ADGRG2: variants seen among roughly 807,000 people sequenced by gnomAD.
ADGRG2 encodes the protein adhesion G protein-coupled receptor G2.
A neutral mutation model predicts 74.1 loss-of-function variants in ADGRG2; 26 were observed. The observed-to-expected ratio is 0.35, with a 90% confidence interval of 0.26 to 0.49. The LOEUF (loss-of-function observed/expected upper bound fraction) is 0.49, where lower values mean the gene tolerates loss of function less well. Ranked by LOEUF, ADGRG2 falls within the 20% of genes least tolerant of loss-of-function variation. ADGRG2 has a pLI of 0.99. For missense variants in ADGRG2, 619 were observed against 763.1 expected (o/e 0.81, Z 2.22); for synonymous variants, 296 against 295.2 (o/e 1.00, Z -0.03).
intron 18 of ADGRG2, among the ~76,000 whole-genome samples, chrX:19,009,147 C>A (rs2060298120): frequency 9.1e-6 from 1 of 110,184 alleles, no homozygotes; most frequent in Non-Finnish European, 1.9e-5. Flanking sequence ...GTAAGGGGGA[C>A]CTCTGACATC....
At position 19,023,431 on chromosome X, in the gene ADGRG2, G is replaced by T. The variant is rs201435414; in HGVS notation, c.533C>A (p.Thr178Lys). 6.4e-4 allele frequency: 712 copies of T among 1,105,883 alleles called. No individual in the cohort carries two copies. Among genetic ancestry groups the T allele is most frequent in the Non-Finnish European group, 6.8e-4 (554 of 811,779 alleles). 91.1% of individuals were successfully genotyped at this position (1,105,883 alleles called of 1,213,427 possible). The stretch of plus-strand genomic sequence containing the variant: ...AATGACTGACCTTTGGGCCTCTGCT[G>T]TAGCACACATTATAAAGTAAGTCTG... ...LSETYFIMCA[T>K]AEAQSTLNCT... The change falls in exon 13 of 29, where the codon ACA becomes AAA. Residue 178 changes from threonine to lysine, a missense_variant. Physicochemically the swap from Thr to Lys is moderately conservative, Grantham distance 78 (BLOSUM62 -1). Around this residue, in one of 3 missense-constraint regions of ADGRG2, gnomAD observed 292 missense variants for 318.0 expected, o/e 0.92. Coordinates refer to ENST00000379869, the MANE Select transcript of ADGRG2 (RefSeq NM_001079858.3).
chrX:19,072,946 C>CT (rs962275473), intron 2 of ADGRG2, among the ~76,000 whole-genome samples: 2 of 111,911 alleles, frequency 1.8e-5, no homozygotes, highest in African/African-American at 6.5e-5. Context: ...CCATTTTTCT[C>CT]TTTTTCAGCT....
intron 1 of ADGRG2, among the ~76,000 whole-genome samples, chrX:19,119,379 G>A (rs1461413286): frequency 2.7e-5 from 3 of 111,547 alleles, no homozygotes; most frequent in Non-Finnish European, 5.6e-5. Flanking sequence ...AATTCCATGC[G>A]GATTAAATAC....
At chrX:19,091,492 TCACACACACACA>T (rs57540002) in intron 1 of ADGRG2, among the ~76,000 whole-genome samples, 1,559 of 82,622 alleles carry the variant, frequency 0.019, 28 homozygotes, top group African/African-American at 0.063. Flanking sequence ...AGATTTTATG[TCACACACACACA>T]CACACACACA....
chrX:18,992,730 TG>T (rs2059944648), intron 28 of ADGRG2, among the ~76,000 whole-genome samples: 1 of 112,464 alleles, frequency 8.9e-6, no homozygotes, highest in African/African-American at 3.2e-5. Flanking sequence ...AGCCTTAAAA[TG>T]TACCCCCATC....
chrX:19,053,113 A>G (rs2061351861), intron 3 of ADGRG2, among the ~76,000 whole-genome samples: 1 of 110,937 alleles, frequency 9.0e-6, no homozygotes, highest in Admixed American at 9.7e-5. Flanking sequence ...AAAACCCCAT[A>G]CCTATTAAAC....
Position 18,990,962 on chromosome X carries a change from T to A in ADGRG2, c.2956A>T (p.Met986Leu). 8.3e-7 allele frequency: 1 copy of A among 1,200,658 alleles called. No homozygotes were observed. Among genetic ancestry groups the A allele is most frequent in the Non-Finnish European group, 1.1e-6 (1 of 885,523 alleles). Residue 986 changes from methionine to leucine, a missense_variant, in exon 29 of 29, where the codon ATG (methionine) becomes TTG (leucine). By Grantham distance (15) the Met-to-Leu change is conservative. Transcript: ENST00000379869. ...CAGGAATCTTCCTTCTCGTTAAACA[T>A]GTGCTGTTTTCCAGTGAAATCGTGA... Reference protein sequence around the residue: ...CLHDFTGKQHMFNEKEDSCNG... With the variant: ...CLHDFTGKQHLFNEKEDSCNG...
chrX:19,117,376 G>A (rs1200202512), intron 1 of ADGRG2, among the ~76,000 whole-genome samples: 1 of 110,439 alleles, frequency 9.1e-6, no homozygotes, highest in Non-Finnish European at 1.9e-5. Flanking sequence ...GGCAAAAAAA[G>A]TTTGAACACT....
intron 27 of ADGRG2, 68 bp from the exon 28 acceptor site, chrX:18,995,116 A>T: frequency 1.2e-6 from 1 of 816,002 alleles, no homozygotes; most frequent in Non-Finnish European, 1.7e-6. Flanking sequence ...GAGACAGATC[A>T]CAGTGTAACA....
At position 18,990,924 on chromosome X, in the gene ADGRG2, G is replaced by A. The variant is rs759049440; in HGVS notation, c.2994C>T (p.Gly998=). 3 of 1,207,210 alleles carry A rather than the reference G, an allele frequency of 2.5e-6. No individual in the cohort carries two copies. The South Asian group carries it at 5.3e-5, about 21-fold the overall frequency. Residue 998 remains glycine, a synonymous_variant, in exon 29 of 29, where the codon GGC becomes GGT. Coordinates refer to ENST00000379869, the MANE Select transcript of ADGRG2 (RefSeq NM_001079858.3). ...NEKEDSCNGK[G]RMALRRTSKR... is the part of the protein sequence containing the mutation. ...TTGAAGTCCTTCTGAGAGCCATACG[G>A]CCTTTCCCATTGCAGGAATCTTCCT...
At chrX:19,121,065 G>C (rs887488227) in intron 1 of ADGRG2, among the ~76,000 whole-genome samples, 1 of 111,214 alleles carries the variant, frequency 9.0e-6, no homozygotes, top group African/African-American at 3.3e-5. Flanking sequence ...CTGAGGATCT[G>C]ACCCCTTTAA....
chrX:19,069,745 C>T (rs1037389274), intron 2 of ADGRG2, among the ~76,000 whole-genome samples: 5 of 111,221 alleles, frequency 4.5e-5, no homozygotes, highest in Non-Finnish European at 9.4e-5. Flanking sequence ...AGGGGAAGAC[C>T]ACCTTCCCAC....
At chrX:19,008,674 A>AG in intron 18 of ADGRG2, among the ~76,000 whole-genome samples, 1 of 111,166 alleles carries the variant, frequency 9.0e-6, no homozygotes, top group East Asian at 2.8e-4. Flanking sequence ...TCAAAAAAAA[A>AG]GAAAAAAAAG....
chrX:19,094,352 C>T (rs758935493), intron 1 of ADGRG2, among the ~76,000 whole-genome samples: 2 of 110,785 alleles, frequency 1.8e-5, no homozygotes, highest in East Asian at 5.7e-4. Context: ...ATTGTACCTC[C>T]TAAATCTATT....
chrX:19,087,343 C>T lies in ADGRG2; in HGVS notation c.-46-4597G>A, dbSNP rs187691417. Among the ~76,000 whole-genome samples the T allele has an allele frequency of 2.9e-4, 33 of 112,941 alleles. 1 individual carries two copies. In the East Asian group the frequency reaches 4.5e-3, roughly 15 times the overall value. On this transcript the variant is annotated intron_variant, in intron 1 of 28. Coordinates refer to ENST00000379869, the MANE Select transcript of ADGRG2 (RefSeq NM_001079858.3). The stretch of plus-strand genomic sequence containing the variant: ...AGGTTGTGCCCTGCACAAAGGCTCA[C>T]GGCCAAGGGCACCAGCGAGCCTGAA...
chrX:19,036,173 G>A (rs897385386), intron 6 of ADGRG2, 196 bp from the exon 7 acceptor site: 6 of 310,847 alleles, frequency 1.9e-5, no homozygotes, highest in East Asian at 1.0e-4. Context: ...AGACAATTCC[G>A]GAGCAAATGT....
intron 3 of ADGRG2, among the ~76,000 whole-genome samples, chrX:19,053,890 G>A (rs1467127951): frequency 1.8e-5 from 2 of 111,505 alleles, no homozygotes; most frequent in Admixed American, 1.9e-4. Flanking sequence ...AAAAGAGAGA[G>A]CCAAGTGAAA....
intron 3 of ADGRG2, among the ~76,000 whole-genome samples, chrX:19,049,438 G>GTTTTTTTTTTTTTTTTTTTTT (rs752686975): frequency 8.5e-5 from 7 of 82,166 alleles, no homozygotes; most frequent in African/African-American, 3.4e-4. Flanking sequence ...CGTTTTTTGT[G>GTTTTTTTTTTTTTTTTTTTTT]TTTTTTTTTT....
intron 3 of ADGRG2, among the ~76,000 whole-genome samples, chrX:19,061,633 G>A (rs1170322917): frequency 3.6e-5 from 4 of 112,108 alleles, no homozygotes. Flanking sequence ...GCTCCCTTTT[G>A]TTTCAGAGCC....
Sources: allele counts gnomAD v4.1 joint callset (sites outside exome capture counted in the v4.1 genomes callset), GRCh38; gene constraint gnomAD v4.1.1; regional missense constraint gnomAD v4.1.1; transcripts MANE v1.5; gene names NCBI Gene and HGNC (gene_info 2026-07-23, HGNC 2026-07-21).